Variants in DHRSX observed in about 807,000 individuals in gnomAD.
DHRSX encodes the protein dehydrogenase/reductase X-linked, also known as polyprenol dehydrogenase.
A neutral mutation model predicts 34.0 loss-of-function variants in DHRSX; 31 were observed. The observed-to-expected ratio is 0.91, with a 90% confidence interval of 0.69 to 1.23. The LOEUF is 1.23. Ranked by LOEUF, DHRSX falls within the 50% of genes most tolerant of loss-of-function variation. The pLI, the probability that DHRSX is intolerant of heterozygous loss-of-function variation, is 0.00. For missense variants in DHRSX, 414 were observed against 428.1 expected, an observed-to-expected ratio of 0.97 and a Z score of 0.29; for synonymous variants, 201 against 183.8, an observed-to-expected ratio of 1.09 and a Z score of -0.76.
intron 3 of DHRSX, among the ~76,000 whole-genome samples, chrX:2,294,072 A>AGAGAGAGAG (rs1569484762): frequency 2.0e-4 from 24 of 118,994 alleles, no homozygotes; most frequent in African/African-American, 6.5e-4. Flanking sequence ...GAGAGAGAGA[A>AGAGAGAGAG]AGAGAGAAAG....
Position 2,266,832 on chromosome X carries a change from C to G in DHRSX, c.504G>C (p.Glu168Asp). 6.2e-7 allele frequency: 1 copy of G among 1,613,998 alleles called. No homozygotes were observed. Among genetic ancestry groups the G allele is most frequent in the East Asian group, 2.2e-5 (1 of 44,890 alleles). ...LTNLLLDTLK[E>D]SGSPGHSARV... ...TCGCACTGTGGCCAGGGGACCCAGA[C>G]TCTTTCAGCGTATCCAAGAGAAGGT... Residue 168 changes from glutamate to aspartate, a missense_variant, in exon 5 of 7, where the codon GAG becomes GAC. Glu to Asp is a conservative substitution (Grantham distance 45). Transcript: ENST00000334651.
chrX:2,396,375 C>CTTTTTTTTTTTTTTTTTTTTTT, intron 3 of DHRSX, among the ~76,000 whole-genome samples: 1 of 99,224 alleles, frequency 1.0e-5, no homozygotes, highest in Non-Finnish European at 1.9e-5. Context: ...CTTTCTTTTT[C>CTTTTTTTTTTTTTTTTTTTTTT]TTTTTTTTTT....
At chrX:2,448,196 G>A (rs1008222726) in intron 1 of DHRSX, among the ~76,000 whole-genome samples, 3 of 151,446 alleles carry the variant, frequency 2.0e-5, no homozygotes, top group African/African-American at 7.3e-5. Flanking sequence ...AAATTAACCA[G>A]GTGTGGTGGT....
intron 1 of DHRSX, among the ~76,000 whole-genome samples, chrX:2,499,373 G>T (rs1481200512): frequency 2.6e-5 from 4 of 152,106 alleles, no homozygotes; most frequent in African/African-American, 9.7e-5. Flanking sequence ...CTCTGTTTTG[G>T]AAAACTGTTA....
chrX:2,409,374 A>G (rs1202010772), intron 2 of DHRSX, among the ~76,000 whole-genome samples: 1 of 152,174 alleles, frequency 6.6e-6, no homozygotes, highest in Non-Finnish European at 1.5e-5. Context: ...TGCTGCACCC[A>G]TCAACCCATC....
At chrX:2,441,089 G>A (rs971303392) in intron 1 of DHRSX, among the ~76,000 whole-genome samples, 4 of 152,112 alleles carry the variant, frequency 2.6e-5, no homozygotes, top group East Asian at 3.9e-4. Flanking sequence ...CACGGCTTCC[G>A]GCTGTCTTCA....
intron 3 of DHRSX, among the ~76,000 whole-genome samples, chrX:2,367,987 A>C (rs2043013966): frequency 6.6e-6 from 1 of 152,092 alleles, no homozygotes. Flanking sequence ...TCACACCTGT[A>C]ATCCCAGCAC....
At chrX:2,405,376 T>C (rs2043539777) in intron 3 of DHRSX, among the ~76,000 whole-genome samples, 1 of 151,810 alleles carries the variant, frequency 6.6e-6, no homozygotes, top group Admixed American at 6.6e-5. Flanking sequence ...TAATCCCAGC[T>C]ACTCGGGAGG....
intron 1 of DHRSX, chrX:2,489,966 A>T: frequency 1.2e-6 from 2 of 1,613,912 alleles, no homozygotes; most frequent in Non-Finnish European, 1.7e-6. Flanking sequence ...AAGACCTCAT[A>T]GAGCACTCGC....
chrX:2,349,170 A>C (rs1895685770), intron 3 of DHRSX, among the ~76,000 whole-genome samples: 1 of 152,188 alleles, frequency 6.6e-6, no homozygotes, highest in Non-Finnish European at 1.5e-5. Flanking sequence ...CCAAAAGATA[A>C]ATCGGTCTAT....
chrX:2,304,196 GATGGATAA>G (rs1485741981), intron 3 of DHRSX, among the ~76,000 whole-genome samples: 54 of 108,632 alleles, frequency 5.0e-4, no homozygotes, highest in African/African-American at 8.2e-4. Flanking sequence ...TGGATGGATG[GATGGATAA>G]ATGGATGGAT....
intron 4 of DHRSX, among the ~76,000 whole-genome samples, chrX:2,272,049 AC>A (rs1390686897): frequency 1.3e-5 from 2 of 151,946 alleles, no homozygotes; most frequent in Non-Finnish European, 2.9e-5. Context: ...AAACAAAAAA[AC>A]ATACCTGCAC....
At chrX:2,248,634 A>AAAAGG (rs2016359019) in intron 5 of DHRSX, among the ~76,000 whole-genome samples, 1 of 119,890 alleles carries the variant, frequency 8.3e-6, no homozygotes, top group Non-Finnish European at 2.0e-5. Context: ...AAAGAAAAAG[A>AAAAGG]AAAGAAAAGA....
intron 3 of DHRSX, among the ~76,000 whole-genome samples, chrX:2,395,522 G>A (rs1435765249): frequency 1.3e-5 from 2 of 152,088 alleles, no homozygotes; most frequent in Admixed American, 6.6e-5. Flanking sequence ...CTGGAACCCC[G>A]GCTGCTTGGA....
intron 3 of DHRSX, among the ~76,000 whole-genome samples, chrX:2,299,855 A>G (rs1477023507): frequency 6.4e-5 from 1 of 15,734 alleles, no homozygotes; most frequent in African/African-American, 1.3e-3. Context: ...ACTATGTCTC[A>G]AAAAAAAAAA....
At chrX:2,297,117 T>C (rs762950640) in intron 3 of DHRSX, among the ~76,000 whole-genome samples, 45 of 152,024 alleles carry the variant, frequency 3.0e-4, no homozygotes, top group African/African-American at 1.1e-3. Flanking sequence ...TACTTTCCTT[T>C]TTAAAATTAT....
chrX:2,458,885 G>A (rs1435069420), intron 1 of DHRSX, among the ~76,000 whole-genome samples: 1 of 151,930 alleles, frequency 6.6e-6, no homozygotes, highest in Non-Finnish European at 1.5e-5. Context: ...TGCACCTGCA[G>A]TCCCAGCTAC....
At chrX:2,242,088 C>T (rs1260089289) in intron 6 of DHRSX, among the ~76,000 whole-genome samples, 1 of 152,144 alleles carries the variant, frequency 6.6e-6, no homozygotes, top group Non-Finnish European at 1.5e-5. Flanking sequence ...GTCTGTACCC[C>T]TTTGTGTAAT....
At chrX:2,409,923 G>T (rs1229265712) in intron 2 of DHRSX, among the ~76,000 whole-genome samples, 7 of 151,864 alleles carry the variant, frequency 4.6e-5, no homozygotes, top group African/African-American at 1.7e-4. Flanking sequence ...GTAGAGAGGG[G>T]GTTTCACCAT....
Sources: allele counts gnomAD v4.1 joint callset (sites outside exome capture counted in the v4.1 genomes callset), GRCh38; gene constraint gnomAD v4.1.1; transcripts MANE v1.5; gene names NCBI Gene and HGNC (gene_info 2026-07-23, HGNC 2026-07-21).